The following CRACD variants were observed in gnomAD, a reference collection of about 807,000 sequenced individuals.
CRACD encodes the protein capping protein-inhibiting regulator of actin dynamics.
A neutral mutation model predicts 106.8 loss-of-function variants in CRACD; 56 were observed. The ratio of observed to expected loss-of-function variants is 0.52; its 90% CI spans 0.42 to 0.66. CRACD has a LOEUF of 0.66. Ranked by LOEUF, CRACD falls within the 30% of genes least tolerant of loss-of-function variation. CRACD has a pLI of 0.00. For synonymous variants in CRACD, 754 were observed against 670.8 expected (o/e 1.12, Z -1.92); for missense variants, 1,730 against 1,623.2 (o/e 1.07, Z -1.13).
intron 1 of CRACD, among the ~76,000 whole-genome samples, chr4:56,049,511 C>T (rs961244918): frequency 4.6e-5 from 7 of 152,136 alleles, no homozygotes; most frequent in Non-Finnish European, 1.0e-4. Context: ...GGAACCTGCG[C>T]GCGGCTTGCG....
chr4:56,090,770 A>G (rs1733400896), intron 1 of CRACD, among the ~76,000 whole-genome samples: 1 of 152,168 alleles, frequency 6.6e-6, no homozygotes. Context: ...GCAGTGTGAA[A>G]GTGTTGGTCC....
intron 1 of CRACD, among the ~76,000 whole-genome samples, chr4:56,153,313 T>C (rs1735650813): frequency 6.6e-6 from 1 of 152,184 alleles, no homozygotes; most frequent in South Asian, 2.1e-4. Context: ...ACTTCATTTA[T>C]TAACTAGATT....
In CRACD at chr4:56,314,417, G is replaced by C. The variant is rs1560534305; in HGVS notation, c.915G>C (p.Arg305=). 17 of 1,544,024 alleles carry C rather than the reference G, an allele frequency of 1.1e-5. No individual in the cohort carries two copies. Among genetic ancestry groups the C allele is most frequent in the Non-Finnish European group, 1.4e-5 (16 of 1,144,066 alleles). Residue 305 remains arginine, a synonymous_variant, in exon 8 of 11, where the codon CGG becomes CGC. Transcript: ENST00000682029. This position sits in a 1 kb window ranked among gnomAD's most constrained non-coding sequence, Gnocchi z 4.4. ...LEAPGWEDAE[R]REREERERLE... The stretch of plus-strand genomic sequence containing the variant: ...CGCCAGGTTGGGAGGACGCGGAGCG[G>C]AGGGAGCGTGAGGAGCGCGAGCGCC...
chr4:56,316,219 T>A lies in CRACD; in HGVS notation c.2717T>A (p.Leu906His). The part of the protein sequence containing the change: ...EGVALKHGPS[L>H]PQERKQAPST... ...GTGGCCCTCAAGCATGGTCCATCCC[T>A]CCCCCAAGAGCGGAAGCAAGCCCCT... The change falls in exon 8 of 11, where the codon CTC (leucine) becomes CAC (histidine). Residue 906 changes from leucine (L) to histidine (H), a missense_variant. Transcript: ENST00000682029. 6.2e-7 allele frequency: 1 copy of A among 1,613,722 alleles called. No individual in the cohort carries two copies. The highest frequency in any genetic ancestry group is 8.5e-7 in the Non-Finnish European group (1 of 1,179,822).
intron 3 of CRACD, among the ~76,000 whole-genome samples, chr4:56,274,054 A>G (rs1742525024): frequency 1.3e-5 from 2 of 152,234 alleles, no homozygotes; most frequent in South Asian, 4.1e-4. Context: ...CTTTTCCTTG[A>G]CAGCCCTGTG....
Position 56,286,459 on chromosome 4 carries a change from G to C in CRACD, c.-16-11755G>C, listed in dbSNP as rs565243842. Among the ~76,000 whole-genome samples the C allele has an allele frequency of 2.1e-5, 3 of 143,454 alleles. No homozygotes were observed. The East Asian group carries it at 6.7e-4, about 32-fold the overall frequency. 94.1% of individuals were successfully genotyped at this position (143,454 alleles called of 152,430 possible). A position where few individuals can be genotyped will look rare whatever the true frequency, so the allele number is the denominator to read the frequency against. ...GAGAATGGCATGAACCCGGGAGGCA[G>C]AGCTTACAGTGAGCCGAGATCGCGC... On this transcript the variant is annotated intron_variant, in intron 3 of 10. Transcript: ENST00000682029.
intron 1 of CRACD, among the ~76,000 whole-genome samples, chr4:56,057,589 G>A (rs1732118901): frequency 6.8e-6 from 1 of 148,114 alleles, no homozygotes; most frequent in Non-Finnish European, 1.5e-5. Context: ...ACTTTCATAT[G>A]TACTTCCTAT....
rs776052219 is a variant in CRACD, at chr4:56,316,625, T to C, written c.3123T>C (p.Ala1041=). ...AAGAGGCGACAGAGAGGAAACCTGC[T>C]TCCCCACCTCTGCCTGCCACTCAGC... The part of the protein sequence containing the change: ...EEEEATERKP[A]SPPLPATQQE... Residue 1041 remains alanine (A), a synonymous_variant, in exon 8 of 11, where the codon GCT becomes GCC. Transcript: ENST00000682029. The C allele has an allele frequency of 6.2e-7, 1 of 1,613,062 alleles. No individual in the cohort carries two copies. Among genetic ancestry groups the C allele is most frequent in the Non-Finnish European group, 8.5e-7 (1 of 1,179,890 alleles).
chr4:56,201,363 T>C (rs1456513133), intron 2 of CRACD, among the ~76,000 whole-genome samples: 1 of 152,232 alleles, frequency 6.6e-6, no homozygotes, highest in Non-Finnish European at 1.5e-5. Flanking sequence ...GATAGATATC[T>C]TTTGTTCCTG....
intron 8 of CRACD, among the ~76,000 whole-genome samples, chr4:56,318,700 C>T (rs796356902): frequency 3.9e-5 from 6 of 152,318 alleles, no homozygotes; most frequent in African/African-American, 1.4e-4. Context: ...AAGCAAGGAT[C>T]ACTCTCTCCA....
chr4:56,156,991 G>T (rs115442881), intron 1 of CRACD, among the ~76,000 whole-genome samples: 2 of 151,914 alleles, frequency 1.3e-5, no homozygotes, highest in African/African-American at 2.4e-5. Context: ...TGGAAATAAT[G>T]GGCACTTAAT....
At chr4:56,063,543 TGTTTACCAGGGG>T (rs1164976456) in intron 1 of CRACD, among the ~76,000 whole-genome samples, 1 of 152,098 alleles carries the variant, frequency 6.6e-6, no homozygotes, top group Non-Finnish European at 1.5e-5. Context: ...AACTCCTCAT[TGTTTACCAGGGG>T]CAGCCCCTGG....
At chr4:56,303,495 C>T (rs1032802604) in intron 4 of CRACD, among the ~76,000 whole-genome samples, 2 of 152,214 alleles carry the variant, frequency 1.3e-5, no homozygotes, top group African/African-American at 4.8e-5. Flanking sequence ...TAGTTCCTCT[C>T]ATGACAATGC....
At chr4:56,201,204 G>C (rs190147202) in intron 2 of CRACD, among the ~76,000 whole-genome samples, 36 of 152,308 alleles carry the variant, frequency 2.4e-4, no homozygotes, top group African/African-American at 8.4e-4. Context: ...TTTTACTGCT[G>C]TGTGTACACA....
At chr4:56,205,725 G>A (rs898667789) in intron 2 of CRACD, among the ~76,000 whole-genome samples, 3 of 152,098 alleles carry the variant, frequency 2.0e-5, no homozygotes, top group African/African-American at 4.8e-5. Flanking sequence ...TGATCCTCTC[G>A]CTTCAGCCTC....
intron 2 of CRACD, among the ~76,000 whole-genome samples, chr4:56,223,955 T>C (rs974294450): frequency 1.7e-4 from 26 of 152,196 alleles, no homozygotes; most frequent in African/African-American, 5.8e-4. Context: ...GACAGGGTCT[T>C]GCTACATTGC....
intron 1 of CRACD, among the ~76,000 whole-genome samples, chr4:56,151,059 T>A (rs554894982): frequency 2.0e-5 from 3 of 152,326 alleles, no homozygotes; most frequent in African/African-American, 7.2e-5. Flanking sequence ...TGCAATGACA[T>A]GATCTCGGCT....
intron 1 of CRACD, among the ~76,000 whole-genome samples, chr4:56,058,745 A>G (rs1732172232): frequency 6.6e-6 from 1 of 152,226 alleles, no homozygotes; most frequent in African/African-American, 2.4e-5. Context: ...TGTAGTGATT[A>G]GCATCTTAAA....
intron 2 of CRACD, among the ~76,000 whole-genome samples, chr4:56,231,648 G>A (rs139301399): frequency 1.5e-3 from 236 of 152,330 alleles, no homozygotes; most frequent in African/African-American, 4.5e-3. Flanking sequence ...AGTAGCAATG[G>A]TAATGAGCAG....
Sources: gnomAD v4.1 joint callset for allele counts (sites outside exome capture counted in the v4.1 genomes callset) on GRCh38, gnomAD v4.1.1 for gene constraint, Gnocchi (gnomAD v3.1) non-coding constraint, MANE v1.5 for transcripts, NCBI Gene and HGNC (gene_info 2026-07-23, HGNC 2026-07-21) for gene names.